TENM3: variants seen among roughly 807,000 people sequenced by gnomAD.
The protein encoded by TENM3 is teneurin-3.
In TENM3, 63 loss-of-function variants were observed where a neutral mutation model predicts 255.1. The observed-to-expected ratio is 0.25, with a 90% CI of 0.20 to 0.30. The LOEUF (loss-of-function observed/expected upper bound fraction) is 0.30. TENM3 is among the 10% of genes least tolerant of loss of function. The pLI is 1.00. For missense variants in TENM3, 2,929 were observed against 3,461.1 expected (o/e 0.85, Z 3.86); for synonymous variants, 1,306 against 1,322.3 (o/e 0.99, Z 0.27).
chr4:181,927,928 C>T, the TENM3 span, among the ~76,000 whole-genome samples: 1 of 152,110 alleles, frequency 6.6e-6, no homozygotes, highest in Non-Finnish European at 1.5e-5. Flanking sequence ...AGACCTGCAG[C>T]AGAGAGGCCT....
chr4:182,332,714 A>AG (rs1448902445), intron 2 of TENM3, among the ~76,000 whole-genome samples: 1 of 151,982 alleles, frequency 6.6e-6, no homozygotes, highest in Non-Finnish European at 1.5e-5. Flanking sequence ...AAAAGAAAAA[A>AG]AAAAAAAGAC....
intron 22 of TENM3, 72 bp from the exon 23 acceptor site, chr4:182,773,400 C>A: frequency 7.3e-7 from 1 of 1,363,552 alleles, no homozygotes; most frequent in Non-Finnish European, 1.0e-6. Context: ...AATATTGCTA[C>A]ACATTATATT....
chr4:182,529,948 G>A (rs17073542), intron 3 of TENM3, among the ~76,000 whole-genome samples: 2,445 of 152,300 alleles, frequency 0.016, 59 homozygotes, highest in African/African-American at 0.057. Context: ...CCTTGCCAGT[G>A]GGTTTTTATG....
intron 3 of TENM3, among the ~76,000 whole-genome samples, chr4:182,386,814 G>A (rs548653379): frequency 4.6e-5 from 7 of 152,340 alleles, no homozygotes; most frequent in African/African-American, 1.4e-4. Flanking sequence ...ACTGAAGCCC[G>A]CCATGCCTGA....
the TENM3 span, among the ~76,000 whole-genome samples, chr4:182,038,620 C>T: frequency 1.3e-5 from 2 of 152,150 alleles, no homozygotes; most frequent in Non-Finnish European, 2.9e-5. Context: ...TGTAGTAGGG[C>T]CTACATTGCA....
At chr4:182,260,660 T>A (rs1335673671) in intron 1 of TENM3, among the ~76,000 whole-genome samples, 4 of 152,192 alleles carry the variant, frequency 2.6e-5, no homozygotes, top group Admixed American at 6.5e-5. Context: ...TAAAGGTTGT[T>A]TCTTATTCAT....
intron 5 of TENM3, among the ~76,000 whole-genome samples, chr4:182,640,044 C>A (rs1351403614): frequency 6.6e-6 from 1 of 152,160 alleles, no homozygotes; most frequent in Non-Finnish European, 1.5e-5. Context: ...GAGCTGAGAT[C>A]GTGCCACTGC....
chr4:182,715,703 C>T (rs1759100993), intron 13 of TENM3, among the ~76,000 whole-genome samples: 1 of 152,138 alleles, frequency 6.6e-6, no homozygotes, highest in African/African-American at 2.4e-5. Context: ...CTGTAGGAAA[C>T]AGAGCGACCA....
the TENM3 span, among the ~76,000 whole-genome samples, chr4:181,594,320 G>T: frequency 6.6e-6 from 1 of 152,120 alleles, no homozygotes; most frequent in Non-Finnish European, 1.5e-5. Context: ...TTTTATTTAA[G>T]AGTTAAATAG....
the TENM3 span, among the ~76,000 whole-genome samples, chr4:181,548,298 A>G: frequency 6.6e-6 from 1 of 152,214 alleles, no homozygotes; most frequent in Non-Finnish European, 1.5e-5. Flanking sequence ...TGACCCAGCC[A>G]TCCCATTACT....
At chr4:181,748,084 T>C in the TENM3 span, among the ~76,000 whole-genome samples, 1 of 152,008 alleles carries the variant, frequency 6.6e-6, no homozygotes, top group African/African-American at 2.4e-5. Flanking sequence ...CTTTCTCCTC[T>C]CCTCCCCAAG....
the TENM3 span, among the ~76,000 whole-genome samples, chr4:181,803,520 A>G: frequency 6.6e-6 from 1 of 152,190 alleles, no homozygotes; most frequent in African/African-American, 2.4e-5. Context: ...AGCTCAACAT[A>G]CTATTGTTGA....
chr4:182,164,866 C>T (rs926465557), intron 1 of TENM3, among the ~76,000 whole-genome samples: 3 of 152,130 alleles, frequency 2.0e-5, no homozygotes, highest in Non-Finnish European at 4.4e-5. Context: ...ATTTTAACCT[C>T]CTTGAAGGTA....
the TENM3 span, among the ~76,000 whole-genome samples, chr4:181,910,410 C>T: frequency 6.6e-6 from 1 of 151,708 alleles, no homozygotes; most frequent in Non-Finnish European, 1.5e-5. Context: ...ACTAAAAATA[C>T]ACCTGTAGTC....
intron 6 of TENM3, among the ~76,000 whole-genome samples, chr4:182,660,613 T>C (rs1350739812): frequency 6.6e-6 from 1 of 152,232 alleles, no homozygotes; most frequent in Non-Finnish European, 1.5e-5. Flanking sequence ...CTTCTGCAAA[T>C]CAGCATCGGT....
intron 3 of TENM3, among the ~76,000 whole-genome samples, chr4:182,471,797 A>G (rs1209196372): frequency 6.6e-6 from 1 of 152,196 alleles, no homozygotes; most frequent in Admixed American, 6.5e-5. Context: ...AGCACAGTAC[A>G]TCATATGTCT....
chr4:181,812,317 A>G, the TENM3 span, among the ~76,000 whole-genome samples: 1 of 152,186 alleles, frequency 6.6e-6, no homozygotes, highest in Non-Finnish European at 1.5e-5. Flanking sequence ...ATATCAGGTC[A>G]TTGTTCTAAG....
At chr4:182,718,341 A>G (rs1466276189) in intron 13 of TENM3, among the ~76,000 whole-genome samples, 1 of 152,132 alleles carries the variant, frequency 6.6e-6, no homozygotes, top group Non-Finnish European at 1.5e-5. Context: ...GGCCACCACC[A>G]GCTCTGAGTT....
rs1484307234 is a variant in TENM3, at chr4:182,357,896, A to C, written c.511+10967A>C. Among the ~76,000 whole-genome samples the C allele has an allele frequency of 1.4e-4, 21 of 151,836 alleles. No individual in the cohort carries two copies. The South Asian group carries it at 4.4e-3, about 32-fold the overall frequency. On this transcript the variant is annotated intron_variant, in intron 3 of 27. Coordinates refer to ENST00000511685, the MANE Select transcript of TENM3 (RefSeq NM_001080477.4). ...ATCCATCTTGAATTGATTTTTGTAT[A>C]AGGTGTAAGGAAGGGATCCAGTTTC...
Sources: gnomAD v4.1 joint callset for allele counts (sites outside exome capture counted in the v4.1 genomes callset) on GRCh38, gnomAD v4.1.1 for gene constraint, MANE v1.5 for transcripts, NCBI Gene and HGNC (gene_info 2026-07-23, HGNC 2026-07-21) for gene names.